DPF3: variants seen among roughly 807,000 people sequenced by gnomAD.
DPF3 encodes double PHD fingers 3.
DPF3 carries 18 observed loss-of-function variants against 56.8 expected under a neutral mutation model. The ratio of observed to expected loss-of-function variants is 0.32; its 90% confidence interval spans 0.22 to 0.47. The LOEUF is 0.47. Ranked by LOEUF, DPF3 falls within the 20% of genes least tolerant of loss-of-function variation. The pLI is 1.00. For missense variants in DPF3, 403 were observed against 488.8 expected, an observed-to-expected ratio of 0.82 and a Z score of 1.65; for synonymous variants, 188 against 180.2, an observed-to-expected ratio of 1.04 and a Z score of -0.35.
intron 3 of DPF3, among the ~76,000 whole-genome samples, chr14:72,744,633 A>C (rs1890254727): frequency 6.6e-6 from 1 of 151,044 alleles, no homozygotes; most frequent in South Asian, 2.1e-4. Flanking sequence ...TGCACCCCCC[A>C]CTCTTTGCCC....
At chr14:72,892,777 C>T (rs1052307234) in intron 1 of DPF3, 9 of 875,520 alleles carry the variant, frequency 1.0e-5, no homozygotes, top group Non-Finnish European at 1.2e-5. Context: ...GCGGGGAAGT[C>T]CCGGTCGAAG....
chr14:72,723,760 G>T, intron 4 of DPF3, 32 bp from the exon 5 acceptor site: 1 of 1,547,276 alleles, frequency 6.5e-7, no homozygotes. Flanking sequence ...GAAAAGGTGA[G>T]AAACGAAATG....
In DPF3 at chr14:72,614,841, G is replaced by A. The variant is rs1008560961; in HGVS notation, c.*4456C>T. On this transcript the variant is annotated 3_prime_UTR_variant, in exon 11 of 11. Coordinates refer to ENST00000556509, the MANE Select transcript of DPF3 (RefSeq NM_001280542.3). Reference sequence around the variant, plus strand: ...CTGCTGCCCTCCAGCTCCTTAGCTCGAGGATTTCTCCCTGAGGACATCCAG... The same window carrying A: ...CTGCTGCCCTCCAGCTCCTTAGCTCAAGGATTTCTCCCTGAGGACATCCAG... 2.8e-5 allele frequency among the ~76,000 whole-genome samples: 4 copies of A among 140,944 alleles called. No homozygotes were observed. Among genetic ancestry groups the A allele is most frequent in the South Asian group, 2.4e-4 (1 of 4,170 alleles). The allele number at this position is 140,944 out of a possible 152,430, so 92.5% of individuals were successfully genotyped here.
intron 1 of DPF3, among the ~76,000 whole-genome samples, chr14:72,810,427 G>A (rs751870456): frequency 2.8e-4 from 42 of 152,176 alleles, no homozygotes; most frequent in Admixed American, 1.3e-4. Context: ...GTTCTAATAC[G>A]TCAGCAAATG....
chr14:72,634,962 C>T (rs567036687), intron 8 of DPF3, among the ~76,000 whole-genome samples: 6 of 152,256 alleles, frequency 3.9e-5, no homozygotes, highest in South Asian at 4.1e-4. Flanking sequence ...TAGTCCTTCC[C>T]GGATGTTCCT....
At chr14:72,873,377 C>A (rs1885979371) in intron 1 of DPF3, among the ~76,000 whole-genome samples, 1 of 152,098 alleles carries the variant, frequency 6.6e-6, no homozygotes, top group South Asian at 2.1e-4. Flanking sequence ...AATGAGATAC[C>A]ATCTCACACC....
In DPF3 at chr14:72,811,840, C is replaced by G. The variant is rs569867273; in HGVS notation, c.33-39947G>C. On this transcript the variant is annotated intron_variant, in intron 1 of 10. Coordinates refer to ENST00000556509, the MANE Select transcript of DPF3 (RefSeq NM_001280542.3). ...TGGGAAGGGCAAGCTGTAGGTTACT[C>G]CCATTCTGCAGATGAGAACACTGAG... is the stretch of plus-strand genomic sequence containing the variant. 1.5e-4 allele frequency among the ~76,000 whole-genome samples: 23 copies of G among 152,202 alleles called. No individual in the cohort carries two copies. In the South Asian group the frequency reaches 1.7e-3, roughly 11 times the overall value.
At chr14:72,676,691 A>G (rs1886923742) in intron 7 of DPF3, among the ~76,000 whole-genome samples, 1 of 152,212 alleles carries the variant, frequency 6.6e-6, no homozygotes, top group South Asian at 2.1e-4. Context: ...TCCCCTGCAC[A>G]TGCTCTCTTG....
Position 72,892,043 on chromosome 14 carries a change from C to A in DPF3, c.32+2014G>T. On this transcript the variant is annotated intron_variant, in intron 1 of 10. Coordinates refer to ENST00000556509, the MANE Select transcript of DPF3 (RefSeq NM_001280542.3). ...ACGCACCCTACTGTGATCCAAAAAA[C>A]CCTGGAGCGAGTAGGGGAACACAAG... The A allele has an allele frequency of 4.1e-5, 47 of 1,153,990 alleles. No homozygotes were observed. The East Asian group carries it at 4.8e-4, about 12-fold the overall frequency. 71.5% of individuals were successfully genotyped at this position (1,153,990 alleles called of 1,614,324 possible).
intron 1 of DPF3, among the ~76,000 whole-genome samples, chr14:72,822,120 G>A (rs543358074): frequency 8.2e-4 from 125 of 152,344 alleles, no homozygotes; most frequent in African/African-American, 2.8e-3. Flanking sequence ...GCAGTGGCTT[G>A]TAATCCCAGC....
At chr14:72,769,240 T>C (rs966792176) in intron 2 of DPF3, among the ~76,000 whole-genome samples, 6 of 152,132 alleles carry the variant, frequency 3.9e-5, no homozygotes. Context: ...TCTAAGTAAC[T>C]TTTCCTACAA....
At chr14:72,689,808 G>A (rs1160231206) in intron 7 of DPF3, among the ~76,000 whole-genome samples, 1 of 152,084 alleles carries the variant, frequency 6.6e-6, no homozygotes, top group Non-Finnish European at 1.5e-5. Context: ...GAGAAATTGG[G>A]GGTGGGGGAA....
chr14:72,854,489 T>C (rs1461738547), intron 1 of DPF3, among the ~76,000 whole-genome samples: 3 of 152,236 alleles, frequency 2.0e-5, no homozygotes, highest in African/African-American at 7.2e-5. Flanking sequence ...ACTCAGGAAA[T>C]GGAGACCTGA....
At chr14:72,711,395 G>A (rs1046261186) in intron 6 of DPF3, among the ~76,000 whole-genome samples, 2 of 152,172 alleles carry the variant, frequency 1.3e-5, no homozygotes, top group Non-Finnish European at 2.9e-5. Context: ...ATTTATGGAA[G>A]AAGGAATAAT....
intron 4 of DPF3, chr14:72,731,373 G>A (rs1400670876): frequency 1.9e-5 from 3 of 160,934 alleles, no homozygotes; most frequent in Non-Finnish European, 3.8e-5. Context: ...CATGGGGACC[G>A]GTGAGGCTGG....
intron 5 of DPF3, among the ~76,000 whole-genome samples, chr14:72,718,232 C>G (rs529735669): frequency 1.1e-4 from 16 of 152,302 alleles, no homozygotes; most frequent in African/African-American, 3.6e-4. Context: ...AAAGGTTGCT[C>G]AAATTTGGGG....
chr14:72,806,461 C>T (rs969559385), intron 1 of DPF3, among the ~76,000 whole-genome samples: 1 of 152,194 alleles, frequency 6.6e-6, no homozygotes, highest in Admixed American at 6.5e-5. Context: ...CTCCACACTC[C>T]GCTCTTATGG....
intron 9 of DPF3, 79 bp from the exon 10 acceptor site, chr14:72,620,063 A>G: frequency 5.0e-6 from 7 of 1,412,520 alleles, no homozygotes; most frequent in Non-Finnish European, 6.6e-6. Flanking sequence ...CTTACCCATC[A>G]GCCTTATTTC....
rs1240622637 is a variant in DPF3 at position 72,701,234 on chromosome 14, G to A, written c.605-8021C>T. Among the ~76,000 whole-genome samples, 4 of 152,318 alleles carry A rather than the reference G, an allele frequency of 2.6e-5. No homozygotes were observed. In the East Asian group the frequency reaches 5.8e-4, roughly 22 times the overall value. On this transcript the variant is annotated intron_variant, in intron 6 of 10. Coordinates refer to ENST00000556509, the MANE Select transcript of DPF3 (RefSeq NM_001280542.3). Reference sequence around the variant, plus strand: ...CCCCTGGGACCAGTCAGCCCTGCCTGTGCACGACCTAAGGTCCTTCTTTTC... The same window carrying A: ...CCCCTGGGACCAGTCAGCCCTGCCTATGCACGACCTAAGGTCCTTCTTTTC...
Sources: gnomAD v4.1 joint callset for allele counts (sites outside exome capture counted in the v4.1 genomes callset) on GRCh38, gnomAD v4.1.1 for gene constraint, MANE v1.5 for transcripts, NCBI Gene and HGNC (gene_info 2026-07-23, HGNC 2026-07-21) for gene names.